The following ATP10B variants were observed in gnomAD, a reference collection of about 807,000 sequenced individuals.
ATP10B encodes ATPase phospholipid transporting 10B (putative).
A neutral mutation model predicts 141.2 loss-of-function variants in ATP10B; 122 were observed. The observed-to-expected ratio is 0.86, with a 90% CI of 0.75 to 1.00. The LOEUF is 1.00. ATP10B is among the 50% of genes least tolerant of loss of function. The pLI, the probability that ATP10B is intolerant of heterozygous loss-of-function variation, is 0.00. For missense variants in ATP10B, 1,876 were observed against 1,825.3 expected, an observed-to-expected ratio of 1.03 and a Z score of -0.51; for synonymous variants, 685 against 692.0, an observed-to-expected ratio of 0.99 and a Z score of 0.16.
intron 1 of ATP10B, among the ~76,000 whole-genome samples, chr5:160,811,189 G>T (rs1364564510): frequency 6.6e-6 from 1 of 152,132 alleles, no homozygotes; most frequent in Non-Finnish European, 1.5e-5. Context: ...TAGGTAGTAT[G>T]CAATGAACCT....
chr5:160,585,872 T>C (rs1056628428), intron 24 of ATP10B, among the ~76,000 whole-genome samples: 2 of 152,170 alleles, frequency 1.3e-5, no homozygotes, highest in Non-Finnish European at 2.9e-5. Flanking sequence ...TTCTGGCCCA[T>C]GAAGAAATTT....
At chr5:160,732,824 T>C (rs1393538702) in intron 2 of ATP10B, among the ~76,000 whole-genome samples, 3 of 152,174 alleles carry the variant, frequency 2.0e-5, no homozygotes, top group African/African-American at 7.2e-5. Flanking sequence ...TTCTTTCTAT[T>C]TCTATGAAGA....
the ATP10B span, among the ~76,000 whole-genome samples, chr5:160,920,513 A>G: frequency 6.6e-6 from 1 of 152,244 alleles, no homozygotes; most frequent in African/African-American, 2.4e-5. Context: ...ACATGCAAGG[A>G]TCTTTGAAGA....
At chr5:160,896,970 A>G in the ATP10B span, among the ~76,000 whole-genome samples, 8 of 152,238 alleles carry the variant, frequency 5.3e-5, no homozygotes, top group African/African-American at 9.6e-5. Flanking sequence ...GATGCAGAAA[A>G]TGCCTTTGAT....
At chr5:160,593,016 C>A (rs1457222734) in intron 22 of ATP10B, among the ~76,000 whole-genome samples, 1 of 152,250 alleles carries the variant, frequency 6.6e-6, no homozygotes, top group Non-Finnish European at 1.5e-5. Context: ...ACAGCAGTAA[C>A]CTCTGCAGAC....
intron 1 of ATP10B, among the ~76,000 whole-genome samples, chr5:160,833,290 A>G (rs1775215208): frequency 6.6e-6 from 1 of 152,212 alleles, no homozygotes; most frequent in Non-Finnish European, 1.5e-5. Flanking sequence ...TGAAACTATC[A>G]CTAATAATTA....
At chr5:160,775,420 T>A (rs1235996243) in intron 2 of ATP10B, among the ~76,000 whole-genome samples, 2 of 152,174 alleles carry the variant, frequency 1.3e-5, no homozygotes, top group African/African-American at 4.8e-5. Flanking sequence ...TCCTAGTATA[T>A]ATGTTTTTTA....
intron 7 of ATP10B, among the ~76,000 whole-genome samples, chr5:160,661,866 T>C (rs960207733): frequency 2.0e-5 from 3 of 152,176 alleles, no homozygotes; most frequent in Non-Finnish European, 4.4e-5. Context: ...TTGTCCCTGT[T>C]TGCAGGTGAC....
At chr5:160,816,190 T>TAAAAAACCCCTC (rs536526439) in intron 1 of ATP10B, among the ~76,000 whole-genome samples, 1 of 108,598 alleles carries the variant, frequency 9.2e-6, no homozygotes. Context: ...AAGAGAGACA[T>TAAAAAACCCCTC]AAAAAATGAA....
chr5:160,785,463 A>G, intron 2 of ATP10B, 96 bp downstream of exon 2: 1 of 331,074 alleles, frequency 3.0e-6, no homozygotes, highest in Non-Finnish European at 5.9e-6. Flanking sequence ...ATTTAGACTC[A>G]GAGGGTACAT....
At chr5:160,827,692 G>T (rs113275502) in intron 1 of ATP10B, among the ~76,000 whole-genome samples, 1 of 152,136 alleles carries the variant, frequency 6.6e-6, no homozygotes, top group Non-Finnish European at 1.5e-5. Context: ...TTTCTTCTAG[G>T]ATTTTAATAG....
chr5:160,739,292 C>T lies in ATP10B; in HGVS notation c.-330-22258G>A, dbSNP rs115586676. ...GGAACAAGGCAAGGATGTCTACTCT[C>T]GGAATTTTTATTCAACATTAGATTA... On this transcript the variant is annotated intron_variant, in intron 2 of 25. Coordinates refer to ENST00000327245, the MANE Select transcript of ATP10B (RefSeq NM_025153.3). 7.8e-3 allele frequency among the ~76,000 whole-genome samples: 1,194 copies of T among 152,150 alleles called. 15 individuals are homozygous for T. Among genetic ancestry groups the T allele is most frequent in the African/African-American group, 0.027 (1,132 of 41,502 alleles).
chr5:160,868,606 T>C, the ATP10B span, among the ~76,000 whole-genome samples: 2 of 145,166 alleles, frequency 1.4e-5, no homozygotes, highest in African/African-American at 5.1e-5. Flanking sequence ...AAGTCAGAGA[T>C]TGGATTATAA....
At chr5:160,659,205 C>T (rs1004198488) in intron 7 of ATP10B, among the ~76,000 whole-genome samples, 16 of 152,288 alleles carry the variant, frequency 1.1e-4, no homozygotes, top group African/African-American at 3.6e-4. Context: ...GTGGCTCACG[C>T]CTGTAATCCC....
In ATP10B at chr5:160,589,589, T is replaced by TA; in HGVS notation, c.3750+2dup. On this transcript the variant is annotated splice_region_variant and intron_variant, in intron 24 of 25. Transcript: ENST00000327245. The stretch of plus-strand genomic sequence containing the variant: ...GAAGCCAAAGGGGCTCTGGGACACT[T>TA]ACCCATGTCTTCATTTCCATTGCCT... 1.2e-6 allele frequency: 2 copies of TA among 1,611,626 alleles called. No homozygotes were observed. The highest frequency in any genetic ancestry group is 2.2e-5 in the South Asian group (2 of 91,010).
intron 9 of ATP10B, among the ~76,000 whole-genome samples, chr5:160,642,538 C>T (rs1363197): frequency 0.77 from 116,414 of 152,048 alleles, 45,404 homozygotes; most frequent in Middle Eastern, 0.85. Flanking sequence ...GTGGGGGGTG[C>T]TAATGCATCT....
At chr5:160,749,639 T>A (rs1768027281) in intron 2 of ATP10B, among the ~76,000 whole-genome samples, 1 of 152,224 alleles carries the variant, frequency 6.6e-6, no homozygotes, top group South Asian at 2.1e-4. Flanking sequence ...CTGGGTCTCA[T>A]ACCTGGCATT....
intron 9 of ATP10B, 70 bp downstream of exon 9, chr5:160,644,068 G>A: frequency 2.3e-6 from 3 of 1,278,088 alleles, no homozygotes; most frequent in East Asian, 2.3e-5. Context: ...GGTTCCCATT[G>A]ACTGAAGATG....
chr5:160,677,604 C>T (rs78184578), intron 6 of ATP10B, among the ~76,000 whole-genome samples: 1,864 of 152,284 alleles, frequency 0.012, 27 homozygotes, highest in Non-Finnish European at 0.015. Context: ...TTCTTTCTTA[C>T]TCCCCTTGGG....
Sources: allele counts gnomAD v4.1 joint callset (sites outside exome capture counted in the v4.1 genomes callset), GRCh38; gene constraint gnomAD v4.1.1; transcripts MANE v1.5; gene names NCBI Gene and HGNC (gene_info 2026-07-23, HGNC 2026-07-21).